Variants in FSTL5 observed in about 807,000 individuals in gnomAD.
FSTL5 encodes the protein follistatin-related protein 5.
Under a neutral mutation model 89.1 loss-of-function variants are expected in FSTL5, and 62 were observed. That is an observed-to-expected ratio of 0.70 (90% CI 0.57 to 0.86). FSTL5 has a LOEUF of 0.86. Among genes scored for constraint, FSTL5 ranks in the 40% least tolerant of loss-of-function variants. The pLI, the probability that FSTL5 is intolerant of heterozygous loss-of-function variation, is 0.00. For missense variants in FSTL5, 1,057 were observed against 1,001.6 expected (o/e 1.06, Z -0.75); for synonymous variants, 383 against 346.2 (o/e 1.11, Z -1.18).
chr4:161,522,439 A>C (rs1260829248), intron 10 of FSTL5, among the ~76,000 whole-genome samples: 1 of 152,134 alleles, frequency 6.6e-6, no homozygotes, highest in Non-Finnish European at 1.5e-5. Context: ...TGAGAATAGG[A>C]TATAGAAAGG....
At chr4:161,968,328 A>C (rs2111005017) in intron 3 of FSTL5, among the ~76,000 whole-genome samples, 1 of 152,240 alleles carries the variant, frequency 6.6e-6, no homozygotes, top group South Asian at 2.1e-4. Flanking sequence ...TTAAATACAC[A>C]TGGACAATAT....
chr4:162,073,193 CTTA>C, intron 2 of FSTL5, among the ~76,000 whole-genome samples: 1 of 151,656 alleles, frequency 6.6e-6, no homozygotes, highest in East Asian at 2.0e-4. Flanking sequence ...ATCCCATTAT[CTTA>C]TTATATCTGT....
chr4:161,920,458 A>C lies in FSTL5; in HGVS notation c.355T>G (p.Cys119Gly), dbSNP rs1733960548. The change falls in exon 4 of 16, where the codon TGC becomes GGC. Residue 119 changes from cysteine to glycine, a missense_variant. Coordinates refer to ENST00000306100, the MANE Select transcript of FSTL5 (RefSeq NM_020116.5). ...ENHCEVHRAA[C>G]LKKQKITIVH... ...ATGGTAATCTTTTGTTTTTTCAGGC[A>C]AGCAGCTCTGTGCACTTCACAGTGG... 6.2e-7 allele frequency: 1 copy of C among 1,613,998 alleles called. No individual in the cohort carries two copies. The highest frequency in any genetic ancestry group is 8.5e-7 in the Non-Finnish European group (1 of 1,179,930).
At chr4:161,570,260 G>T (rs1560958490) in intron 8 of FSTL5, among the ~76,000 whole-genome samples, 2 of 152,094 alleles carry the variant, frequency 1.3e-5, no homozygotes, top group Non-Finnish European at 2.9e-5. Context: ...GTCTGGGTAA[G>T]CTTCATTGAA....
intron 13 of FSTL5, among the ~76,000 whole-genome samples, chr4:161,467,808 G>A (rs993477888): frequency 2.6e-5 from 4 of 151,892 alleles, no homozygotes; most frequent in African/African-American, 9.7e-5. Context: ...GAAATTATAC[G>A]TGGCTGCAAA....
intron 4 of FSTL5, among the ~76,000 whole-genome samples, chr4:161,845,783 C>T (rs1354481762): frequency 6.6e-6 from 1 of 152,064 alleles, no homozygotes; most frequent in African/African-American, 2.4e-5. Flanking sequence ...GCCAGGCGCA[C>T]GTCTGTAATC....
chr4:161,732,250 T>C (rs1560815091), intron 6 of FSTL5, among the ~76,000 whole-genome samples: 1 of 152,112 alleles, frequency 6.6e-6, no homozygotes, highest in Non-Finnish European at 1.5e-5. Context: ...ATTTAATACA[T>C]ATGGGTGTTG....
intron 6 of FSTL5, among the ~76,000 whole-genome samples, chr4:161,716,306 T>C (rs1738978605): frequency 2.6e-5 from 4 of 152,074 alleles, no homozygotes; most frequent in African/African-American, 7.2e-5. Context: ...CTATATAAAA[T>C]AGCACTTCCA....
At chr4:161,830,943 G>A (rs1272884656) in intron 4 of FSTL5, among the ~76,000 whole-genome samples, 1 of 151,930 alleles carries the variant, frequency 6.6e-6, no homozygotes, top group Non-Finnish European at 1.5e-5. Flanking sequence ...ATTAAATGAT[G>A]TGTGGGTCCC....
intron 2 of FSTL5, among the ~76,000 whole-genome samples, chr4:162,047,801 G>A (rs1386831768): frequency 1.3e-5 from 2 of 151,336 alleles, no homozygotes; most frequent in Non-Finnish European, 2.9e-5. Flanking sequence ...CTCCAGCCCG[G>A]GCAACAAGAG....
intron 6 of FSTL5, among the ~76,000 whole-genome samples, chr4:161,709,494 C>G (rs1413101355): frequency 1.3e-5 from 2 of 152,088 alleles, no homozygotes; most frequent in Non-Finnish European, 2.9e-5. Context: ...AAATGATGAT[C>G]ATCTTGAATA....
At chr4:161,662,040 C>T (rs1249419693) in intron 6 of FSTL5, among the ~76,000 whole-genome samples, 1 of 151,946 alleles carries the variant, frequency 6.6e-6, no homozygotes, top group East Asian at 1.9e-4. Context: ...GCGATAACAG[C>T]AATACTTAGA....
intron 11 of FSTL5, among the ~76,000 whole-genome samples, chr4:161,509,257 C>A (rs1254306460): frequency 1.3e-5 from 2 of 152,114 alleles, no homozygotes; most frequent in Non-Finnish European, 2.9e-5. Context: ...GCGCCGAGAT[C>A]GCGCCGTTGA....
rs1353069337 is a variant in FSTL5, at chr4:161,459,261, A to C, written c.1667T>G (p.Val556Gly). Residue 556 changes from valine (V) to glycine (G), a missense_variant, in exon 14 of 16, where the codon GTC becomes GGC. This residue lies in a region of FSTL5 where 980 missense variants were observed against 903.2 expected (regional missense o/e 1.08). Transcript: ENST00000306100. ...KLHYDKSHDQ[V>G]WVLSWGTLEK... Reference sequence around the variant, plus strand: ...CAAGGTACCCCAGCTTAGCACCCAGACCTGATCATGTGATTTGTCATAGTG... The same window carrying C: ...CAAGGTACCCCAGCTTAGCACCCAGCCCTGATCATGTGATTTGTCATAGTG... 6.2e-7 allele frequency: 1 copy of C among 1,613,544 alleles called. No homozygotes were observed. The highest frequency in any genetic ancestry group is 8.5e-7 in the Non-Finnish European group (1 of 1,179,612).
chr4:161,883,473 TC>T (rs1228733055), intron 4 of FSTL5, among the ~76,000 whole-genome samples: 1 of 152,192 alleles, frequency 6.6e-6, no homozygotes. Flanking sequence ...CTCATGCAGT[TC>T]TTTACTAAGT....
At chr4:161,602,267 G>C in intron 7 of FSTL5, among the ~76,000 whole-genome samples, 1 of 148,418 alleles carries the variant, frequency 6.7e-6, no homozygotes, top group East Asian at 2.0e-4. Flanking sequence ...GAGAGAGAGA[G>C]AGAGAGAGAG....
At chr4:162,120,258 A>G (rs17041965) in intron 1 of FSTL5, among the ~76,000 whole-genome samples, 88,489 of 151,866 alleles carry the variant, frequency 0.58, 26,447 homozygotes, top group Admixed American at 0.66. Context: ...TCTTAGTTCC[A>G]TTATTTTGTT....
chr4:161,777,203 G>C (rs1177512548), intron 4 of FSTL5, among the ~76,000 whole-genome samples: 1 of 149,124 alleles, frequency 6.7e-6, no homozygotes, highest in East Asian at 2.0e-4. Flanking sequence ...GAAAATACCA[G>C]TATTTCATTC....
At chr4:161,642,238 T>G (rs181962579) in intron 7 of FSTL5, among the ~76,000 whole-genome samples, 88 of 152,318 alleles carry the variant, frequency 5.8e-4, no homozygotes, top group Middle Eastern at 3.4e-3. Context: ...TTAGCCAATT[T>G]TAAGTATACA....
Sources: allele counts gnomAD v4.1 joint callset (sites outside exome capture counted in the v4.1 genomes callset), GRCh38; gene constraint gnomAD v4.1.1; regional missense constraint gnomAD v4.1.1; transcripts MANE v1.5; gene names NCBI Gene and HGNC (gene_info 2026-07-23, HGNC 2026-07-21).